GUCY1A1: variants seen among roughly 807,000 people sequenced by gnomAD.
GUCY1A1 encodes guanylate cyclase soluble subunit alpha-1.
Under a neutral mutation model 64.5 loss-of-function variants are expected in GUCY1A1, and 48 were observed. The observed-to-expected ratio is 0.74, with a 90% confidence interval of 0.59 to 0.95. The LOEUF (loss-of-function observed/expected upper bound fraction) is 0.95, where lower values mean the gene tolerates loss of function less well. Among genes scored for constraint, GUCY1A1 ranks in the 40% least tolerant of loss-of-function variants. The pLI, the probability that GUCY1A1 is intolerant of heterozygous loss-of-function variation, is 0.00. For missense variants in GUCY1A1, 804 were observed against 825.3 expected (o/e 0.97, Z 0.32); for synonymous variants, 308 against 303.4 (o/e 1.02, Z -0.16).
chr4:155,672,389 C>T (rs1379595781), intron 2 of GUCY1A1, among the ~76,000 whole-genome samples: 2 of 152,060 alleles, frequency 1.3e-5, no homozygotes, highest in Non-Finnish European at 2.9e-5. Context: ...TACATTAGTC[C>T]ATAAATTATT....
At position 155,713,545 on chromosome 4, in the gene GUCY1A1, C is replaced by G; in HGVS notation, c.1534C>G (p.Arg512Gly). ...VITMLNALYTRFDQQCGELDV... is the reference protein window; with the variant it reads ...VITMLNALYTGFDQQCGELDV... ...CACCATGCTCAATGCACTGTACACTCGCTTCGACCAGCAGTGTGGAGAGCT... is the reference window on the plus strand; with the variant it reads ...CACCATGCTCAATGCACTGTACACTGGCTTCGACCAGCAGTGTGGAGAGCT... Residue 512 changes from arginine to glycine, a missense_variant, in exon 7 of 10, where the codon CGC becomes GGC. Coordinates refer to ENST00000506455, the MANE Select transcript of GUCY1A1 (RefSeq NM_001130682.3). The G allele has an allele frequency of 1.9e-6, 3 of 1,613,836 alleles. No individual in the cohort carries two copies. The highest frequency in any genetic ancestry group is 2.5e-6 in the Non-Finnish European group (3 of 1,179,786).
At position 155,735,844 on chromosome 4, in the gene GUCY1A1, G is replaced by A. The variant is rs1440503044; in HGVS notation, c.*5613G>A. ...CAGCAAAACTGAAGCTCTTTGGAAA[G>A]TTATGGCAACAGTGGTCTGGGAATT... On this transcript the variant is annotated 3_prime_UTR_variant, in exon 10 of 10. Transcript: ENST00000506455. The A allele has an allele frequency of 6.6e-6, 1 of 151,986 alleles. No individual in the cohort carries two copies. Among genetic ancestry groups the A allele is most frequent in the African/African-American group, 2.4e-5 (1 of 41,420 alleles). 9.4% of individuals were successfully genotyped at this position (151,986 alleles called of 1,614,324 possible).
At position 155,730,880 on chromosome 4, in the gene GUCY1A1, C is replaced by T. The variant is rs1476113086; in HGVS notation, c.*649C>T. ...TAGTTCTGGAAGTTAAAAATACTCTCCATAGTAACGTGTGTTATAATAATA... is the reference window on the plus strand; with the variant it reads ...TAGTTCTGGAAGTTAAAAATACTCTTCATAGTAACGTGTGTTATAATAATA... On this transcript the variant is annotated 3_prime_UTR_variant, in exon 10 of 10. Coordinates refer to ENST00000506455, the MANE Select transcript of GUCY1A1 (RefSeq NM_001130682.3). The T allele has an allele frequency of 2.6e-5, 4 of 153,026 alleles. No homozygotes were observed. 9.5% of individuals were successfully genotyped at this position (153,026 alleles called of 1,614,324 possible).
At chr4:155,711,457 T>G (rs996323848) in intron 6 of GUCY1A1, 3 of 407,160 alleles carry the variant, frequency 7.4e-6, no homozygotes, top group Non-Finnish European at 1.3e-5. Flanking sequence ...TCCAAAAATA[T>G]TTATTGAATG....
intron 2 of GUCY1A1, among the ~76,000 whole-genome samples, chr4:155,673,899 CA>C (rs1489452591): frequency 1.3e-5 from 2 of 151,526 alleles, no homozygotes; most frequent in African/African-American, 4.9e-5. Flanking sequence ...TCCTGTAACA[CA>C]TTGTGCTTCC....
chr4:155,690,439 T>G (rs1290310401), intron 2 of GUCY1A1, among the ~76,000 whole-genome samples: 1 of 152,216 alleles, frequency 6.6e-6, no homozygotes, highest in Non-Finnish European at 1.5e-5. Context: ...CTTCTAAAAA[T>G]GCAGTCTAAT....
chr4:155,670,900 G>A (rs1734059085), intron 2 of GUCY1A1, among the ~76,000 whole-genome samples: 1 of 152,076 alleles, frequency 6.6e-6, no homozygotes, highest in Non-Finnish European at 1.5e-5. Context: ...CTTCTTAGGG[G>A]GGAAGCAAAT....
intron 9 of GUCY1A1, among the ~76,000 whole-genome samples, chr4:155,729,298 G>T (rs1735208330): frequency 6.6e-6 from 1 of 151,806 alleles, no homozygotes; most frequent in African/African-American, 2.4e-5. Flanking sequence ...TTGATGGAAA[G>T]CTAGGGAAGC....
rs1220469607 is a variant in GUCY1A1, at chr4:155,733,652, A to C, written c.*3421A>C. On this transcript the variant is annotated 3_prime_UTR_variant, in exon 10 of 10. Coordinates refer to ENST00000506455, the MANE Select transcript of GUCY1A1 (RefSeq NM_001130682.3). Reference sequence around the variant, plus strand: ...TATTCACTTGAGGCACTTGTTCAAAATAGATTTTACAAAAGAAAAAAAAAA... The same window carrying C: ...TATTCACTTGAGGCACTTGTTCAAACTAGATTTTACAAAAGAAAAAAAAAA... Among the ~76,000 whole-genome samples the C allele has an allele frequency of 6.6e-6, 1 of 151,522 alleles. No individual in the cohort carries two copies. The highest frequency in any genetic ancestry group is 1.5e-5 in the Non-Finnish European group (1 of 67,818).
chr4:155,685,276 A>G (rs1728825616), intron 2 of GUCY1A1, among the ~76,000 whole-genome samples: 1 of 152,272 alleles, frequency 6.6e-6, no homozygotes, highest in Non-Finnish European at 1.5e-5. Flanking sequence ...AGCAGGAGTC[A>G]GTCAACAGAC....
chr4:155,723,794 G>A (rs949741245), intron 9 of GUCY1A1, among the ~76,000 whole-genome samples: 3 of 151,752 alleles, frequency 2.0e-5, no homozygotes, highest in African/African-American at 7.3e-5. Context: ...TCCCAAGTAG[G>A]TGGGATTACA....
intron 2 of GUCY1A1, among the ~76,000 whole-genome samples, chr4:155,687,326 C>T (rs1299746532): frequency 6.6e-6 from 1 of 152,104 alleles, no homozygotes; most frequent in African/African-American, 2.4e-5. Context: ...TCACAGCTTT[C>T]GTAAGGCAAG....
Position 155,713,319 on chromosome 4 carries a change from T to A in GUCY1A1, c.1308T>A (p.Leu436=). The part of the protein sequence containing the change: ...KKRLGKLKAT[L]EQAHQALEEE... ...GGCTGGGGAAGCTGAAGGCTACCCT[T>A]GAGCAAGCCCACCAAGCCCTGGAGG... Residue 436 remains leucine (L), a synonymous_variant, in exon 7 of 10, where the codon CTT becomes CTA. Transcript: ENST00000506455. 6.2e-7 allele frequency: 1 copy of A among 1,614,174 alleles called. No homozygotes were observed. Among genetic ancestry groups the A allele is most frequent in the Non-Finnish European group, 8.5e-7 (1 of 1,180,034 alleles).
chr4:155,705,314 C>T (rs1395104735), intron 4 of GUCY1A1, among the ~76,000 whole-genome samples: 1 of 152,060 alleles, frequency 6.6e-6, no homozygotes, highest in Non-Finnish European at 1.5e-5. Context: ...TTTGGGAGGT[C>T]AAGGTAGACA....
intron 6 of GUCY1A1, among the ~76,000 whole-genome samples, chr4:155,712,756 A>G (rs1458743279): frequency 6.6e-6 from 1 of 152,200 alleles, no homozygotes; most frequent in Non-Finnish European, 1.5e-5. Context: ...CTACCATATT[A>G]TACAAAAAAT....
chr4:155,691,193 A>G (rs1257741717), intron 2 of GUCY1A1, among the ~76,000 whole-genome samples: 2 of 152,204 alleles, frequency 1.3e-5, no homozygotes, highest in East Asian at 3.9e-4. Flanking sequence ...CATAAAGCCA[A>G]CCTTTCAAAA....
In GUCY1A1 at chr4:155,696,785, A is replaced by G. The variant is rs1730465228; in HGVS notation, c.-83A>G. The G allele has an allele frequency of 7.7e-7, 1 of 1,304,146 alleles. No individual in the cohort carries two copies. The highest frequency in any genetic ancestry group is 1.1e-6 in the Non-Finnish European group (1 of 921,296). 80.8% of individuals were successfully genotyped at this position (1,304,146 alleles called of 1,614,324 possible). A position where few individuals can be genotyped will look rare whatever the true frequency, so the allele number is the denominator to read the frequency against. On this transcript the variant is annotated 5_prime_UTR_variant, in exon 3 of 10. Coordinates refer to ENST00000506455, the MANE Select transcript of GUCY1A1 (RefSeq NM_001130682.3). ...CCCAGTTACCAGTGTCCTTGAATTG[A>G]TAGTGGCTTCTGTTTGTCAGTCTCA...
chr4:155,711,060 C>T lies in GUCY1A1; in HGVS notation c.895C>T (p.Leu299=). ...CATGTTTGACAAAGATATGACAATT[C>T]TGCAATTTGGCAATGGCATCAGAAG... is the stretch of plus-strand genomic sequence containing the variant. ...HFMFDKDMTI[L]QFGNGIRRLM... is the part of the protein sequence containing the mutation. The change falls in exon 6 of 10, where the codon CTG becomes TTG. Residue 299 remains leucine, a synonymous_variant. Transcript: ENST00000506455. 6.2e-7 allele frequency: 1 copy of T among 1,613,958 alleles called. No individual in the cohort carries two copies. Among genetic ancestry groups the T allele is most frequent in the Middle Eastern group, 1.6e-4 (1 of 6,062 alleles).
intron 2 of GUCY1A1, among the ~76,000 whole-genome samples, chr4:155,693,504 C>A (rs1319731481): frequency 1.3e-5 from 2 of 151,996 alleles, no homozygotes; most frequent in Admixed American, 1.3e-4. Flanking sequence ...CTTTTGCCTG[C>A]CAGGAATATT....
Sources: gnomAD v4.1 joint callset for allele counts (sites outside exome capture counted in the v4.1 genomes callset) on GRCh38, gnomAD v4.1.1 for gene constraint, MANE v1.5 for transcripts, NCBI Gene and HGNC (gene_info 2026-07-23, HGNC 2026-07-21) for gene names.